Variants in VAV1 observed in about 807,000 individuals in gnomAD.
VAV1 encodes the protein vav guanine nucleotide exchange factor 1.
In VAV1, 33 loss-of-function variants were observed where a neutral mutation model predicts 128.1. The ratio of observed to expected loss-of-function variants is 0.26; its 90% CI spans 0.20 to 0.34. The LOEUF is 0.34. VAV1 is among the 10% of genes least tolerant of loss of function. The pLI is 1.00. For synonymous variants in VAV1, 394 were observed against 409.8 expected, an observed-to-expected ratio of 0.96 and a Z score of 0.47; for missense variants, 715 against 1,093.7, an observed-to-expected ratio of 0.65 and a Z score of 4.88.
chr19:6,783,668 A>G (rs905932299), intron 1 of VAV1, among the ~76,000 whole-genome samples: 1 of 151,738 alleles, frequency 6.6e-6, no homozygotes, highest in Non-Finnish European at 1.5e-5. Flanking sequence ...GGGTTTCTCC[A>G]TGTTAGTCAG....
At chr19:6,810,898 ATGAACC>A (rs1474375484) in intron 1 of VAV1, among the ~76,000 whole-genome samples, 4 of 152,196 alleles carry the variant, frequency 2.6e-5, no homozygotes, top group African/African-American at 9.7e-5. Context: ...TGTTGAAAGA[ATGAACC>A]TGTTTCCCCA....
Position 6,857,315 on chromosome 19 carries a change from C to A in VAV1, c.*208C>A. 1 of 607,506 alleles carries A rather than the reference C, an allele frequency of 1.6e-6. No homozygotes were observed. Among genetic ancestry groups the A allele is most frequent in the Non-Finnish European group, 2.9e-6 (1 of 350,560 alleles). 37.6% of individuals were successfully genotyped at this position (607,506 alleles called of 1,614,324 possible). On this transcript the variant is annotated 3_prime_UTR_variant, in exon 27 of 27. Transcript: ENST00000602142. Reference sequence around the variant, plus strand: ...CGATTTCCTCTTGGGTCCCCTCAAGCAGACGGGGCTCAAGGGGGTTACATT... The same window carrying A: ...CGATTTCCTCTTGGGTCCCCTCAAGAAGACGGGGCTCAAGGGGGTTACATT...
At chr19:6,784,240 G>A (rs563840012) in intron 1 of VAV1, 1 of 651,140 alleles carries the variant, frequency 1.5e-6, no homozygotes, top group Admixed American at 2.1e-5. Context: ...CTGGACAAAA[G>A]AGTAAGACCC....
intron 9 of VAV1, 90 bp from the exon 10 acceptor site, chr19:6,827,986 A>G (rs773518767): frequency 5.5e-5 from 59 of 1,065,274 alleles, no homozygotes; most frequent in Non-Finnish European, 8.5e-5. Context: ...AGAGCTGCTC[A>G]CGTATTTATT....
intron 19 of VAV1, 90 bp downstream of exon 19, chr19:6,834,043 A>T: frequency 1.3e-6 from 2 of 1,582,148 alleles, no homozygotes; most frequent in Non-Finnish European, 1.7e-6. Context: ...AATCATATTA[A>T]CAGCCACATT....
At chr19:6,813,758 A>G (rs1179015004) in intron 1 of VAV1, among the ~76,000 whole-genome samples, 1 of 152,102 alleles carries the variant, frequency 6.6e-6, no homozygotes, top group African/African-American at 2.4e-5. Flanking sequence ...AAGATTTTAA[A>G]ACTTGAGTCT....
At position 6,825,373 on chromosome 19, in the gene VAV1, A is replaced by G. The variant is rs757852816; in HGVS notation, c.794A>G (p.Asn265Ser). 42 of 1,613,784 alleles carry G rather than the reference A, an allele frequency of 2.6e-5. No homozygotes were observed. The highest frequency in any genetic ancestry group is 5.3e-5 in the African/African-American group (4 of 74,932). ...KEALGTPGAA[N>S]LYQVFIKYKE... ...GCCCTGGGCACCCCTGGCGCAGCCAATCTCTACCAGGTCTTCATCAAATAC... is the reference window on the plus strand; with the variant it reads ...GCCCTGGGCACCCCTGGCGCAGCCAGTCTCTACCAGGTCTTCATCAAATAC... The change falls in exon 8 of 27, where the codon AAT (asparagine) becomes AGT (serine). Residue 265 changes from asparagine to serine, a missense_variant. By Grantham distance (46) the Asn-to-Ser change is conservative (BLOSUM62 1). This residue lies in a region of VAV1 where 302 missense variants were observed against 477.8 expected (regional missense o/e 0.63). Coordinates refer to ENST00000602142, the MANE Select transcript of VAV1 (RefSeq NM_005428.4).
At chr19:6,843,998 C>T (rs1972446113) in intron 22 of VAV1, among the ~76,000 whole-genome samples, 1 of 143,814 alleles carries the variant, frequency 7.0e-6, no homozygotes, top group East Asian at 2.2e-4. Flanking sequence ...TCACAAAAGC[C>T]CTTCGGAAAA....
chr19:6,823,130 C>CT (rs11292307), intron 6 of VAV1, among the ~76,000 whole-genome samples: 5,540 of 143,152 alleles, frequency 0.039, 357 homozygotes, highest in African/African-American at 0.13. Context: ...ATCTATCTAT[C>CT]TTTTTTTTTT....
At chr19:6,834,347 G>C (rs769833488) in intron 19 of VAV1, among the ~76,000 whole-genome samples, 1 of 150,892 alleles carries the variant, frequency 6.6e-6, no homozygotes, top group East Asian at 2.0e-4. Context: ...AAGTTCAAGC[G>C]ATTCTCCTGC....
At chr19:6,853,342 T>A (rs988499741) in intron 25 of VAV1, among the ~76,000 whole-genome samples, 2 of 151,898 alleles carry the variant, frequency 1.3e-5, no homozygotes, top group African/African-American at 4.8e-5. Context: ...CTTAGCTCCC[T>A]GCAACCTTTG....
At chr19:6,832,248 C>T (rs1568309346) in intron 15 of VAV1, 48 bp downstream of exon 15, 2 of 1,585,816 alleles carry the variant, frequency 1.3e-6, no homozygotes, top group East Asian at 2.2e-5. Flanking sequence ...GGGGCAGGGG[C>T]TGGGAAGGAG....
At position 6,821,683 on chromosome 19, in the gene VAV1, G is replaced by A. The variant is rs1971788408; in HGVS notation, c.380+3G>A. On this transcript the variant is annotated splice_donor_region_variant and intron_variant, in intron 3 of 26. Transcript: ENST00000602142. ...ATCGCCCAGAACAGGGGGATCATGT[G>A]AGTAACCACCTGGGCCTTGGGCCAT... is the stretch of plus-strand genomic sequence containing the variant. 1 of 1,614,042 alleles carries A rather than the reference G, an allele frequency of 6.2e-7. No homozygotes were observed.
chr19:6,785,876 C>G (rs1435143988), intron 1 of VAV1, among the ~76,000 whole-genome samples: 2 of 151,946 alleles, frequency 1.3e-5, no homozygotes, highest in Admixed American at 6.6e-5. Context: ...GCCAGCTGGT[C>G]TTGAACTCAT....
chr19:6,831,538 T>C, intron 14 of VAV1, among the ~76,000 whole-genome samples: 1 of 152,150 alleles, frequency 6.6e-6, no homozygotes, highest in Non-Finnish European at 1.5e-5. Flanking sequence ...GGTCTCAAAC[T>C]CCTGACCTCG....
intron 21 of VAV1, among the ~76,000 whole-genome samples, chr19:6,838,226 A>ATG: frequency 1.1e-5 from 1 of 92,568 alleles, no homozygotes; most frequent in South Asian, 3.1e-4. Context: ...ATCTATCTAT[A>ATG]TCATCATCAT....
At chr19:6,787,671 C>A (rs958639741) in intron 1 of VAV1, among the ~76,000 whole-genome samples, 2 of 151,812 alleles carry the variant, frequency 1.3e-5, no homozygotes, top group Non-Finnish European at 2.9e-5. Flanking sequence ...GTCATAGCTC[C>A]CTGCAGCCTC....
intron 1 of VAV1, among the ~76,000 whole-genome samples, chr19:6,775,660 C>T (rs1415411557): frequency 6.6e-6 from 1 of 152,150 alleles, no homozygotes; most frequent in Non-Finnish European, 1.5e-5. Flanking sequence ...TTTTGTTGCC[C>T]TTTGAAGCCC....
At chr19:6,836,254 A>G in intron 19 of VAV1, 178 bp from the exon 20 acceptor site, 1 of 752,150 alleles carries the variant, frequency 1.3e-6, no homozygotes, top group Non-Finnish European at 2.1e-6. Flanking sequence ...ATTGCCAAAT[A>G]GTTTTACAAA....
Sources: gnomAD v4.1 joint callset for allele counts (sites outside exome capture counted in the v4.1 genomes callset) on GRCh38, gnomAD v4.1.1 for gene constraint, gnomAD v4.1.1 regional missense constraint, MANE v1.5 for transcripts, NCBI Gene and HGNC (gene_info 2026-07-23, HGNC 2026-07-21) for gene names.